Variants in CCNY observed in about 807,000 individuals in gnomAD.
The protein encoded by CCNY is cyclin-Y.
In CCNY, 19 loss-of-function variants were observed where a neutral mutation model predicts 42.8. That is an observed-to-expected ratio of 0.44 (90% CI 0.31 to 0.65). The LOEUF (loss-of-function observed/expected upper bound fraction) is 0.65, where lower values mean the gene tolerates loss of function less well. Among genes scored for constraint, CCNY ranks in the 30% least tolerant of loss-of-function variants. The pLI, the probability that CCNY is intolerant of heterozygous loss-of-function variation, is 0.07. For missense variants in CCNY, 370 were observed against 437.3 expected, an observed-to-expected ratio of 0.85 and a Z score of 1.37; for synonymous variants, 165 against 162.7, an observed-to-expected ratio of 1.01 and a Z score of -0.11.
intron 1 of CCNY, among the ~76,000 whole-genome samples, chr10:35,441,295 A>T (rs1838662001): frequency 6.6e-6 from 1 of 152,206 alleles, no homozygotes; most frequent in Non-Finnish European, 1.5e-5. Flanking sequence ...AATGACTTTC[A>T]TTTTGGAAGG....
chr10:35,290,044 TG>T (rs1337067466), intron 3 of CCNY, among the ~76,000 whole-genome samples: 1 of 151,780 alleles, frequency 6.6e-6, no homozygotes, highest in African/African-American at 2.4e-5. Context: ...GCTAACATGG[TG>T]GAACCCTGCT....
rs115879119 is a variant in CCNY, at chr10:35,255,824, G to C, written c.-9+5198G>C. ...TGCCCAGACCGGTCTCGAACTCCTG[G>C]GCTCAAGCGATTTGACCACCTCAGC... On this transcript the variant is annotated intron_variant, in intron 3 of 11. Coordinates refer to the CCNY transcript ENST00000374706. 2.5e-3 allele frequency among the ~76,000 whole-genome samples: 387 copies of C among 152,106 alleles called. 1 individual carries two copies. Among genetic ancestry groups the C allele is most frequent in the African/African-American group, 8.9e-3 (369 of 41,528 alleles).
At chr10:35,444,683 A>G (rs957233222) in intron 1 of CCNY, among the ~76,000 whole-genome samples, 8 of 152,256 alleles carry the variant, frequency 5.3e-5, no homozygotes, top group Non-Finnish European at 7.3e-5. Context: ...TCAAGGGACT[A>G]CTGTCATTGA....
At chr10:35,447,726 A>G (rs533449488) in intron 1 of CCNY, among the ~76,000 whole-genome samples, 143 of 152,268 alleles carry the variant, frequency 9.4e-4, no homozygotes, top group Middle Eastern at 3.4e-3. Context: ...CATGTCTGAC[A>G]CTTTGGGGAG....
At chr10:35,540,384 C>T (rs965874281) in intron 7 of CCNY, among the ~76,000 whole-genome samples, 3 of 152,164 alleles carry the variant, frequency 2.0e-5, no homozygotes, top group Admixed American at 1.3e-4. Flanking sequence ...CCCCGCATTC[C>T]GGGATAATTC....
At chr10:35,462,219 C>T (rs1439609787) in intron 1 of CCNY, among the ~76,000 whole-genome samples, 1 of 152,216 alleles carries the variant, frequency 6.6e-6, no homozygotes, top group African/African-American at 2.4e-5. Flanking sequence ...TTTGCATCCA[C>T]AGAAACAGTG....
chr10:35,298,005 TG>T (rs1835491242), intron 3 of CCNY, among the ~76,000 whole-genome samples: 1 of 144,272 alleles, frequency 6.9e-6, no homozygotes, highest in Non-Finnish European at 1.5e-5. Flanking sequence ...GAAGTTCTTA[TG>T]AAAAAAAAAA....
chr10:35,505,550 A>T (rs191020037), intron 3 of CCNY, among the ~76,000 whole-genome samples: 43 of 152,286 alleles, frequency 2.8e-4, no homozygotes, highest in Admixed American at 1.3e-3. Flanking sequence ...AGCCAAAAGA[A>T]CTTTGTTCAA....
chr10:35,344,732 C>T (rs1027675637), intron 1 of CCNY, among the ~76,000 whole-genome samples: 55 of 152,254 alleles, frequency 3.6e-4, no homozygotes, highest in Admixed American at 2.7e-3. Flanking sequence ...CCACTCCCCC[C>T]ACCCGACAAC....
At chr10:35,466,298 G>A (rs1241537901) in intron 1 of CCNY, among the ~76,000 whole-genome samples, 1 of 152,136 alleles carries the variant, frequency 6.6e-6, no homozygotes, top group African/African-American at 2.4e-5. Context: ...AGAGCCAGTG[G>A]CTTCCCCTAG....
At chr10:35,492,997 G>A (rs556771348) in intron 2 of CCNY, among the ~76,000 whole-genome samples, 24 of 151,164 alleles carry the variant, frequency 1.6e-4, no homozygotes, top group Middle Eastern at 6.8e-3. Flanking sequence ...GGTGCATGGG[G>A]GGGGGAGGGC....
intron 1 of CCNY, among the ~76,000 whole-genome samples, chr10:35,429,193 C>T (rs1268026722): frequency 6.6e-6 from 1 of 152,174 alleles, no homozygotes; most frequent in Non-Finnish European, 1.5e-5. Context: ...CATATTGAAA[C>T]AGATTGAACG....
chr10:35,450,424 G>A (rs577560106), intron 1 of CCNY, among the ~76,000 whole-genome samples: 41 of 152,172 alleles, frequency 2.7e-4, no homozygotes, highest in Non-Finnish European at 5.1e-4. Context: ...CCCTGGGATG[G>A]TTTTGGAAGT....
At chr10:35,264,639 T>C (rs1384610248) in intron 3 of CCNY, among the ~76,000 whole-genome samples, 1 of 152,132 alleles carries the variant, frequency 6.6e-6, no homozygotes, top group African/African-American at 2.4e-5. Flanking sequence ...TCAGGTCCTT[T>C]GCCCAGTTTT....
chr10:35,452,265 T>A (rs1401979506), intron 1 of CCNY, among the ~76,000 whole-genome samples: 1 of 152,124 alleles, frequency 6.6e-6, no homozygotes, highest in Non-Finnish European at 1.5e-5. Context: ...GTGATTGGAG[T>A]GATTTCTGCA....
chr10:35,296,234 A>C lies in CCNY; in HGVS notation c.-9+45608A>C, dbSNP rs1049954654. On this transcript the variant is annotated intron_variant, in intron 3 of 11. Coordinates refer to the CCNY transcript ENST00000374706. ...AACTATACAAAAGGTCAATGAACCC[A>C]GGAATTGTTTCTTTGGAAAAGTTAG... Among the ~76,000 whole-genome samples the C allele has an allele frequency of 4.6e-5, 7 of 152,352 alleles. 1 individual carries two copies. The highest frequency in any genetic ancestry group is 3.9e-4 in the Admixed American group (6 of 15,302).
intron 1 of CCNY, among the ~76,000 whole-genome samples, chr10:35,453,943 TTC>T (rs1263173524): frequency 6.6e-6 from 1 of 152,242 alleles, no homozygotes; most frequent in Non-Finnish European, 1.5e-5. Flanking sequence ...ATTCTGAACT[TTC>T]TGTTTCATTC....
chr10:35,290,759 C>CAGTGAGCT, intron 3 of CCNY, among the ~76,000 whole-genome samples: 1 of 151,470 alleles, frequency 6.6e-6, no homozygotes, highest in Non-Finnish European at 1.5e-5. Flanking sequence ...GTCAGGAGTT[C>CAGTGAGCT]GAAACCAGCA....
At chr10:35,467,885 C>T (rs182983174) in intron 1 of CCNY, among the ~76,000 whole-genome samples, 61 of 152,314 alleles carry the variant, frequency 4.0e-4, no homozygotes, top group Non-Finnish European at 7.6e-4. Flanking sequence ...TATACAATGC[C>T]TAACTCTGTT....
Sources: allele counts gnomAD v4.1 joint callset (sites outside exome capture counted in the v4.1 genomes callset), GRCh38; gene constraint gnomAD v4.1.1; transcripts MANE v1.5; gene names NCBI Gene and HGNC (gene_info 2026-07-23, HGNC 2026-07-21).